SNRPD1: variants seen among roughly 807,000 people sequenced by gnomAD.
SNRPD1 encodes the protein small nuclear ribonucleoprotein D1 polypeptide.
SNRPD1 carries 1 observed loss-of-function variant against 14.4 expected under a neutral mutation model. The ratio of observed to expected loss-of-function variants is 0.07; its 90% CI spans 0.02 to 0.33. The LOEUF (loss-of-function observed/expected upper bound fraction) is 0.33, where lower values mean the gene tolerates loss of function less well. Among genes scored for constraint, SNRPD1 ranks in the 10% least tolerant of loss-of-function variants. The pLI, the probability that SNRPD1 is intolerant of heterozygous loss-of-function variation, is 1.00. For missense variants in SNRPD1, 52 were observed against 146.4 expected (o/e 0.36, Z 3.33); for synonymous variants, 42 against 50.3 (o/e 0.83, Z 0.70).
chr18:21,628,897 C>G (rs546995504), intron 3 of SNRPD1, among the ~76,000 whole-genome samples, 165 bp from the exon 4 acceptor site: 1 of 152,072 alleles, frequency 6.6e-6, no homozygotes, highest in Admixed American at 6.6e-5. Context: ...TGGAGGGAAT[C>G]TGAAGTCTAA....
At chr18:21,625,583 T>C (rs2039031805) in intron 3 of SNRPD1, among the ~76,000 whole-genome samples, 1 of 152,018 alleles carries the variant, frequency 6.6e-6, no homozygotes, top group Non-Finnish European at 1.5e-5. Context: ...TCCAAAGTGC[T>C]GGGATTACAG....
intron 1 of SNRPD1, among the ~76,000 whole-genome samples, chr18:21,614,788 A>G (rs2038945502): frequency 6.6e-6 from 1 of 152,206 alleles, no homozygotes; most frequent in Non-Finnish European, 1.5e-5. Context: ...AAGTTTCACT[A>G]AGTGGAAAGA....
At position 21,629,390 on chromosome 18, in the gene SNRPD1, GA is replaced by G. The variant is rs2039063810; in HGVS notation, c.*254del. The G allele has an allele frequency of 2.5e-6, 1 of 393,066 alleles. No homozygotes were observed. Among genetic ancestry groups the G allele is most frequent in the Non-Finnish European group, 4.6e-6 (1 of 217,220 alleles). The allele number at this position is 393,066 out of a possible 1,614,324, so 24.3% of individuals were successfully genotyped here. ...AAATTTTTCTTTTTCTTTTTATGATGAATAAGGTTAAAATAAAAGCCTTAGA... is the reference window on the plus strand; with the variant it reads ...AAATTTTTCTTTTTCTTTTTATGATGATAAGGTTAAAATAAAAGCCTTAGA... On this transcript the variant is annotated 3_prime_UTR_variant, in exon 4 of 4. Transcript: ENST00000300413.
At chr18:21,625,315 A>ATTTTTTTTTTTTTTTTTTTTTT (rs748864232) in intron 3 of SNRPD1, among the ~76,000 whole-genome samples, 1 of 98,262 alleles carries the variant, frequency 1.0e-5, no homozygotes, top group Non-Finnish European at 1.7e-5. Flanking sequence ...TGTTGAAAAA[A>ATTTTTTTTTTTTTTTTTTTTTT]ATTTTTTTTT....
intron 1 of SNRPD1, among the ~76,000 whole-genome samples, chr18:21,618,503 T>C (rs2146257454): frequency 6.6e-6 from 1 of 152,134 alleles, no homozygotes; most frequent in East Asian, 1.9e-4. Context: ...TGAAGAACTT[T>C]TATAGTAAAA....
At chr18:21,623,419 G>A (rs145072196) in intron 2 of SNRPD1, among the ~76,000 whole-genome samples, 22 of 152,306 alleles carry the variant, frequency 1.4e-4, no homozygotes, top group African/African-American at 4.8e-4. Flanking sequence ...GGGATTATGA[G>A]GAAGTTACAA....
chr18:21,615,187 A>G (rs1399572913), intron 1 of SNRPD1, among the ~76,000 whole-genome samples: 1 of 152,208 alleles, frequency 6.6e-6, no homozygotes, highest in African/African-American at 2.4e-5. Flanking sequence ...AGAATTTCAT[A>G]TATTTGGAAT....
At chr18:21,620,187 A>G (rs1011759987) in intron 1 of SNRPD1, among the ~76,000 whole-genome samples, 7 of 152,024 alleles carry the variant, frequency 4.6e-5, no homozygotes, top group African/African-American at 1.7e-4. Context: ...AACTCCTGAC[A>G]TTGTGACCCG....
chr18:21,624,382 A>T (rs1200485850), intron 3 of SNRPD1, among the ~76,000 whole-genome samples: 1 of 149,738 alleles, frequency 6.7e-6, no homozygotes, highest in East Asian at 2.0e-4. Context: ...CTCAAAAAAA[A>T]AAAAAACCAA....
rs1406257443 is a variant in SNRPD1, at chr18:21,633,151, A to G, written c.*4013A>G. Reference sequence around the variant, plus strand: ...AGGCGTGAGCCACCGCGTCCGGCCGAACATTAGTTTTTAAAGAAATGTATT... The same window carrying G: ...AGGCGTGAGCCACCGCGTCCGGCCGGACATTAGTTTTTAAAGAAATGTATT... On this transcript the variant is annotated 3_prime_UTR_variant, in exon 4 of 4. Transcript: ENST00000300413. 6.6e-6 allele frequency: 1 copy of G among 152,148 alleles called. No individual in the cohort carries two copies. The highest frequency in any genetic ancestry group is 6.6e-5 in the Admixed American group (1 of 15,266). The allele number at this position is 152,148 out of a possible 1,614,324, so 9.4% of individuals were successfully genotyped here. A position where few individuals can be genotyped will look rare whatever the true frequency, so the allele number is the denominator to read the frequency against.
intron 1 of SNRPD1, among the ~76,000 whole-genome samples, chr18:21,621,139 G>T (rs1253517861): frequency 6.6e-6 from 1 of 151,894 alleles, no homozygotes; most frequent in Non-Finnish European, 1.5e-5. Context: ...CTACACTCCA[G>T]CCTGGGTGAC....
Position 21,622,800 on chromosome 18 carries a change from A to C in SNRPD1, c.90A>C (p.Thr30=). The C allele has an allele frequency of 6.5e-7, 1 of 1,529,000 alleles. No individual in the cohort carries two copies. The highest frequency in any genetic ancestry group is 9.1e-7 in the Non-Finnish European group (1 of 1,104,716). The allele number at this position is 1,529,000 out of a possible 1,614,324, so 94.7% of individuals were successfully genotyped here. ...GAACACAGGTCCATGGAACAATCAC[A>C]GGTACGGAGGTTGGACTGCTTTTAT... ...KNGTQVHGTI[T]GVDVSMNTHL... is the part of the protein sequence containing the mutation. Residue 30 remains threonine (T), a splice_region_variant and synonymous_variant, in exon 2 of 4, where the codon ACA becomes ACC. Coordinates refer to ENST00000300413, the MANE Select transcript of SNRPD1 (RefSeq NM_006938.4).
chr18:21,626,591 C>A (rs1040921998), intron 3 of SNRPD1, among the ~76,000 whole-genome samples: 3 of 150,532 alleles, frequency 2.0e-5, no homozygotes, highest in African/African-American at 7.3e-5. Context: ...GAGTTCAACA[C>A]CAGCCTGGCC....
At chr18:21,620,469 A>G (rs558773564) in intron 1 of SNRPD1, among the ~76,000 whole-genome samples, 1 of 152,280 alleles carries the variant, frequency 6.6e-6, no homozygotes, top group Non-Finnish European at 1.5e-5. Flanking sequence ...GAGAACGGAA[A>G]TTTAGATGAA....
intron 1 of SNRPD1, among the ~76,000 whole-genome samples, chr18:21,613,778 C>T (rs1365290998): frequency 7.1e-6 from 1 of 141,540 alleles, no homozygotes; most frequent in Non-Finnish European, 1.5e-5. Flanking sequence ...TCGCTTGAAC[C>T]CAGGCGGCAG....
At chr18:21,613,652 C>T (rs751301292) in intron 1 of SNRPD1, among the ~76,000 whole-genome samples, 7 of 151,872 alleles carry the variant, frequency 4.6e-5, no homozygotes, top group Non-Finnish European at 2.9e-5. Flanking sequence ...GTCAGGAGTT[C>T]GAGACCAGCC....
intron 1 of SNRPD1, among the ~76,000 whole-genome samples, chr18:21,620,370 A>T (rs1442616240): frequency 6.6e-6 from 1 of 152,134 alleles, no homozygotes; most frequent in South Asian, 2.1e-4. Context: ...CAAAGTGGTG[A>T]AATTACAGGC....
intron 2 of SNRPD1, 100 bp from the exon 3 acceptor site, chr18:21,623,648 A>G (rs542634210): frequency 3.6e-6 from 3 of 842,320 alleles, no homozygotes; most frequent in East Asian, 5.1e-5. Flanking sequence ...GTAGAAGAAC[A>G]GTAATCTTTT....
chr18:21,620,804 C>A (rs1312248543), intron 1 of SNRPD1, among the ~76,000 whole-genome samples: 1 of 152,096 alleles, frequency 6.6e-6, no homozygotes, highest in Non-Finnish European at 1.5e-5. Context: ...AAAAACTCAA[C>A]CTAATTGAGA....
Sources: gnomAD v4.1 joint callset for allele counts (sites outside exome capture counted in the v4.1 genomes callset) on GRCh38, gnomAD v4.1.1 for gene constraint, MANE v1.5 for transcripts, NCBI Gene and HGNC (gene_info 2026-07-23, HGNC 2026-07-21) for gene names.